CBX3: variants seen among roughly 807,000 people sequenced by gnomAD.
CBX3 encodes the protein chromobox protein homolog 3.
A neutral mutation model predicts 22.6 loss-of-function variants in CBX3; 5 were observed. The ratio of observed to expected loss-of-function variants is 0.22; its 90% CI spans 0.12 to 0.47. The LOEUF is 0.47. Ranked by LOEUF, CBX3 falls within the 20% of genes least tolerant of loss-of-function variation. The pLI, the probability that CBX3 is intolerant of heterozygous loss-of-function variation, is 0.99. For synonymous variants in CBX3, 50 were observed against 66.6 expected, an observed-to-expected ratio of 0.75 and a Z score of 1.21; for missense variants, 83 against 208.1, an observed-to-expected ratio of 0.40 and a Z score of 3.70.
chr7:26,206,767 A>G (rs11979254), intron 3 of CBX3, among the ~76,000 whole-genome samples: 2,857 of 152,238 alleles, frequency 0.019, 90 homozygotes, highest in African/African-American at 0.066. Flanking sequence ...GTAGTTTACT[A>G]TGTAATATAT....
chr7:26,212,049 C>T, intron 5 of CBX3, 33 bp from the exon 6 acceptor site: 2 of 1,478,412 alleles, frequency 1.4e-6, no homozygotes, highest in Non-Finnish European at 1.8e-6. Flanking sequence ...ACAACTTCGA[C>T]TTGTAACTGA....
intron 3 of CBX3, 47 bp downstream of exon 3, chr7:26,206,557 G>C (rs1382610510): frequency 6.3e-7 from 1 of 1,585,056 alleles, no homozygotes; most frequent in African/African-American, 1.3e-5. Flanking sequence ...CTGCAGCTAA[G>C]TGGTTTTAGA....
intron 2 of CBX3, 138 bp downstream of exon 2, chr7:26,203,160 A>G: frequency 2.9e-6 from 2 of 684,778 alleles, no homozygotes; most frequent in East Asian, 2.6e-5. Context: ...ACAGGGGAAA[A>G]TTAAGAGAAA....
rs1325320176 is a variant in CBX3, at chr7:26,212,967, A to G, written c.*759A>G. Reference sequence around the variant, plus strand: ...AACTAGCTAAACAAAACTAAGTTAAATGAACATTTAAAAGTTTCCCTAGCG... The same window carrying G: ...AACTAGCTAAACAAAACTAAGTTAAGTGAACATTTAAAAGTTTCCCTAGCG... On this transcript the variant is annotated 3_prime_UTR_variant, in exon 6 of 6. Transcript: ENST00000396386. The G allele has an allele frequency of 2.6e-5, 4 of 152,290 alleles. No individual in the cohort carries two copies. Among genetic ancestry groups the G allele is most frequent in the Non-Finnish European group, 4.4e-5 (3 of 68,052 alleles). 9.4% of individuals were successfully genotyped at this position (152,290 alleles called of 1,614,324 possible).
chr7:26,212,042 A>G (rs1308179763), intron 5 of CBX3, 40 bp from the exon 6 acceptor site: 2 of 1,472,628 alleles, frequency 1.4e-6, no homozygotes, highest in African/African-American at 1.4e-5. Flanking sequence ...GACATGAACA[A>G]CTTCGACTTG....
rs547874016 is a variant in CBX3 at position 26,212,627 on chromosome 7, A to G, written c.*419A>G. The G allele has an allele frequency of 6.6e-6, 1 of 152,234 alleles. No individual in the cohort carries two copies. Among genetic ancestry groups the G allele is most frequent in the South Asian group, 2.1e-4 (1 of 4,828 alleles). 9.4% of individuals were successfully genotyped at this position (152,234 alleles called of 1,614,324 possible). Reference sequence around the variant, plus strand: ...GTGTGTGTGTGTATCCATAAAATGCATATGTAAATTTTTTTTTGTTTTTAA... The same window carrying G: ...GTGTGTGTGTGTATCCATAAAATGCGTATGTAAATTTTTTTTTGTTTTTAA... On this transcript the variant is annotated 3_prime_UTR_variant, in exon 6 of 6. Coordinates refer to ENST00000396386, the MANE Select transcript of CBX3 (RefSeq NM_016587.4).
At chr7:26,211,573 C>A (rs1562749114) in intron 4 of CBX3, 89 bp from the exon 5 acceptor site, 1 of 725,754 alleles carries the variant, frequency 1.4e-6, no homozygotes, top group Non-Finnish European at 2.3e-6. Context: ...TCATTTCCAT[C>A]TCACTATTGG....
intron 3 of CBX3, 31 bp downstream of exon 3, chr7:26,206,541 G>A (rs1327129577): frequency 6.2e-7 from 1 of 1,602,080 alleles, no homozygotes; most frequent in East Asian, 2.2e-5. Context: ...TTTACTATAT[G>A]TTTAACTGCA....
chr7:26,213,574 C>T lies in CBX3; in HGVS notation c.*1366C>T, dbSNP rs929933938. Among the ~76,000 whole-genome samples, 10 of 152,160 alleles carry T rather than the reference C, an allele frequency of 6.6e-5. No homozygotes were observed. The highest frequency in any genetic ancestry group is 5.9e-4 in the Admixed American group (9 of 15,284). ...AAAAGTTTCATGTGATGCCTAGGGT[C>T]AATTGTCTCATTAAAATGAGGTTTT... On this transcript the variant is annotated 3_prime_UTR_variant, in exon 6 of 6. Coordinates refer to ENST00000396386, the MANE Select transcript of CBX3 (RefSeq NM_016587.4).
Position 26,206,641 on chromosome 7 carries a change from G to C in CBX3, c.167+131G>C, listed in dbSNP as rs952901881. 3 of 842,592 alleles carry C rather than the reference G, an allele frequency of 3.6e-6. No individual in the cohort carries two copies. In the African/African-American group the frequency reaches 5.2e-5, roughly 15 times the overall value. The allele number at this position is 842,592 out of a possible 1,614,324, so 52.2% of individuals were successfully genotyped here. ...AAATGTAAAGACACTTTGAATTTTAGGTGTCTCATTTGAGGTCTATTTCAA... is the reference window on the plus strand; with the variant it reads ...AAATGTAAAGACACTTTGAATTTTACGTGTCTCATTTGAGGTCTATTTCAA... On this transcript the variant is annotated intron_variant, in intron 3 of 5. Transcript: ENST00000396386.
chr7:26,206,270 TTA>T lies in CBX3; in HGVS notation c.25-96_25-95del. The T allele has an allele frequency of 4.0e-6, 3 of 756,928 alleles. No individual in the cohort carries two copies. The South Asian group carries it at 5.6e-5, about 14-fold the overall frequency. The allele number at this position is 756,928 out of a possible 1,614,324, so 46.9% of individuals were successfully genotyped here. A position where few individuals can be genotyped will look rare whatever the true frequency, so the allele number is the denominator to read the frequency against. On this transcript the variant is annotated intron_variant, in intron 2 of 5. Coordinates refer to ENST00000396386, the MANE Select transcript of CBX3 (RefSeq NM_016587.4). ...TGCCCTGGGATATAGAAGTAAAAATTTATGTCGAATGTGATAATAATATAAGC... is the reference window on the plus strand; with the variant it reads ...TGCCCTGGGATATAGAAGTAAAAATTTGTCGAATGTGATAATAATATAAGC...
chr7:26,207,538 A>G (rs1409515707), intron 3 of CBX3, among the ~76,000 whole-genome samples: 2 of 152,076 alleles, frequency 1.3e-5, no homozygotes, highest in Admixed American at 1.3e-4. Flanking sequence ...TTTTGTTTTG[A>G]GATGGAGTCT....
Position 26,203,006 on chromosome 7 carries a change from C to A in CBX3, c.8C>A (p.Ser3Tyr), listed in dbSNP as rs1250407304. 3.1e-6 allele frequency: 5 copies of A among 1,609,216 alleles called. No individual in the cohort carries two copies. Among genetic ancestry groups the A allele is most frequent in the African/African-American group, 2.7e-5 (2 of 74,772 alleles). MA[S>Y]NKTTLQKMGK... ...TCAAGTCTGCAATAAAAAATGGCCT[C>A]CAACAAAACTACATTGGTAAGTTAA... The change falls in exon 2 of 6, where the codon TCC (serine) becomes TAC (tyrosine). Residue 3 changes from serine (S) to tyrosine (Y), a missense_variant. Around this residue, in one of 3 missense-constraint regions of CBX3, gnomAD observed 24 missense variants for 25.1 expected, o/e 0.96. Transcript: ENST00000396386.
intron 2 of CBX3, 71 bp downstream of exon 2, chr7:26,203,093 A>G: frequency 3.2e-6 from 3 of 950,258 alleles, no homozygotes; most frequent in Non-Finnish European, 4.7e-6. Flanking sequence ...ATAACTTTGC[A>G]TCTCTGTGGC....
chr7:26,205,073 G>A (rs1309529318), intron 2 of CBX3, among the ~76,000 whole-genome samples: 1 of 152,224 alleles, frequency 6.6e-6, no homozygotes, highest in Non-Finnish European at 1.5e-5. Flanking sequence ...ACAGGCATGA[G>A]CCACTGCCCC....
chr7:26,212,752 T>A lies in CBX3; in HGVS notation c.*544T>A, dbSNP rs1784837947. ...TAATCCCTTCAAGTTAAATTGAAAA[T>A]TTTCCTGAAACCATACATTTCAAGT... On this transcript the variant is annotated 3_prime_UTR_variant, in exon 6 of 6. Transcript: ENST00000396386. The A allele has an allele frequency of 6.6e-6, 1 of 152,250 alleles. No homozygotes were observed. The allele number at this position is 152,250 out of a possible 1,614,324, so 9.4% of individuals were successfully genotyped here. A position where few individuals can be genotyped will look rare whatever the true frequency, so the allele number is the denominator to read the frequency against.
chr7:26,208,931 T>C (rs1784743153), intron 4 of CBX3, among the ~76,000 whole-genome samples: 1 of 112,086 alleles, frequency 8.9e-6, no homozygotes, highest in Non-Finnish European at 1.9e-5. Context: ...TTTTTTTTTT[T>C]TTTTTTTTTT....
At chr7:26,205,513 G>GTGT (rs1784656304) in intron 2 of CBX3, among the ~76,000 whole-genome samples, 2 of 152,140 alleles carry the variant, frequency 1.3e-5, no homozygotes, top group Non-Finnish European at 2.9e-5. Flanking sequence ...ACCTCCTAGT[G>GTGT]GTCTCTATAG....
chr7:26,211,826 T>G (rs1021267300), intron 5 of CBX3, 70 bp downstream of exon 5: 3 of 1,199,396 alleles, frequency 2.5e-6, no homozygotes, highest in East Asian at 4.9e-5. Flanking sequence ...GAAATGGTTT[T>G]TCATCATTAG....
Sources: gnomAD v4.1 joint callset for allele counts (sites outside exome capture counted in the v4.1 genomes callset) on GRCh38, gnomAD v4.1.1 for gene constraint, gnomAD v4.1.1 regional missense constraint, MANE v1.5 for transcripts, NCBI Gene and HGNC (gene_info 2026-07-23, HGNC 2026-07-21) for gene names.